SLC6A11: variants seen among roughly 807,000 people sequenced by gnomAD.
The protein encoded by SLC6A11 is sodium- and chloride-dependent GABA transporter 3.
SLC6A11 carries 25 observed loss-of-function variants against 74.8 expected under a neutral mutation model. The ratio of observed to expected loss-of-function variants is 0.33; its 90% CI spans 0.24 to 0.47. SLC6A11 has a LOEUF of 0.47. SLC6A11 is among the 20% of genes least tolerant of loss of function. The pLI is 1.00. For missense variants in SLC6A11, 574 were observed against 837.0 expected, an observed-to-expected ratio of 0.69 and a Z score of 3.88; for synonymous variants, 330 against 330.2, an observed-to-expected ratio of 1.00 and a Z score of 0.01.
At chr3:10,903,388 C>T (rs559725851) in intron 6 of SLC6A11, among the ~76,000 whole-genome samples, 2 of 152,342 alleles carry the variant, frequency 1.3e-5, no homozygotes, top group Non-Finnish European at 2.9e-5. Flanking sequence ...CCTACTGCCA[C>T]TGAACTCACT....
chr3:10,866,759 CA>C (rs1283930930), intron 5 of SLC6A11, among the ~76,000 whole-genome samples: 1 of 152,214 alleles, frequency 6.6e-6, no homozygotes, highest in East Asian at 1.9e-4. Flanking sequence ...TTGCTTAAAA[CA>C]GAAAGTTTTC....
chr3:10,840,905 A>G (rs754827510), intron 4 of SLC6A11, among the ~76,000 whole-genome samples: 2 of 152,148 alleles, frequency 1.3e-5, no homozygotes, highest in Non-Finnish European at 2.9e-5. Context: ...TTGAAAAGCC[A>G]TTGAAGGTAG....
At chr3:10,897,477 C>T (rs1016562483) in intron 6 of SLC6A11, among the ~76,000 whole-genome samples, 3 of 152,262 alleles carry the variant, frequency 2.0e-5, no homozygotes, top group South Asian at 2.1e-4. Context: ...TGAAAGGAAT[C>T]GGCCAAAACA....
At chr3:10,841,464 AG>A (rs1487631137) in intron 4 of SLC6A11, among the ~76,000 whole-genome samples, 1 of 152,174 alleles carries the variant, frequency 6.6e-6, no homozygotes, top group Non-Finnish European at 1.5e-5. Flanking sequence ...TGGAAACCAA[AG>A]GTCTGTTCCT....
At chr3:10,866,924 G>A (rs1694769653) in intron 5 of SLC6A11, among the ~76,000 whole-genome samples, 1 of 152,138 alleles carries the variant, frequency 6.6e-6, no homozygotes, top group Non-Finnish European at 1.5e-5. Flanking sequence ...TATCTTTGTG[G>A]GAGTTATGCC....
chr3:10,877,044 G>T (rs1694917263), intron 6 of SLC6A11, among the ~76,000 whole-genome samples: 1 of 152,180 alleles, frequency 6.6e-6, no homozygotes, highest in Non-Finnish European at 1.5e-5. Flanking sequence ...GATTTGGAGA[G>T]CCCCCACTTT....
intron 6 of SLC6A11, among the ~76,000 whole-genome samples, chr3:10,883,874 G>C (rs1184517881): frequency 2.0e-5 from 3 of 152,128 alleles, no homozygotes; most frequent in African/African-American, 7.2e-5. Context: ...CACTACTTGA[G>C]ACTGAAAATC....
At chr3:10,882,033 G>A (rs1694987445) in intron 6 of SLC6A11, among the ~76,000 whole-genome samples, 1 of 152,162 alleles carries the variant, frequency 6.6e-6, no homozygotes, top group African/African-American at 2.4e-5. Flanking sequence ...CTCCACATGT[G>A]GGCAGCAGGG....
At position 10,879,635 on chromosome 3, in the gene SLC6A11, A is replaced by T. The variant is rs892782506; in HGVS notation, c.891+4540A>T. Among the ~76,000 whole-genome samples the T allele has an allele frequency of 6.6e-5, 10 of 152,360 alleles. No homozygotes were observed. The East Asian group carries it at 1.5e-3, about 23-fold the overall frequency. On this transcript the variant is annotated intron_variant, in intron 6 of 13. Coordinates refer to ENST00000254488, the MANE Select transcript of SLC6A11 (RefSeq NM_014229.3). ...CATGGAGGAATATTTTTTCTTTTGAATTATGTATGTATGTTTATAGGCATT... is the reference window on the plus strand; with the variant it reads ...CATGGAGGAATATTTTTTCTTTTGATTTATGTATGTATGTTTATAGGCATT...
intron 5 of SLC6A11, among the ~76,000 whole-genome samples, chr3:10,853,039 C>G (rs1024219956): frequency 1.3e-5 from 2 of 152,204 alleles, no homozygotes; most frequent in African/African-American, 4.8e-5. Context: ...CTTCACCTCT[C>G]TGGGCCGTAG....
At chr3:10,865,158 G>T (rs957298260) in intron 5 of SLC6A11, among the ~76,000 whole-genome samples, 1 of 152,238 alleles carries the variant, frequency 6.6e-6, no homozygotes, top group African/African-American at 2.4e-5. Context: ...TAATTATTGA[G>T]CTGTCTTCAT....
chr3:10,829,987 C>G (rs1317906429), intron 4 of SLC6A11, among the ~76,000 whole-genome samples: 1 of 151,666 alleles, frequency 6.6e-6, no homozygotes, highest in African/African-American at 2.4e-5. Context: ...TATAAGTAGC[C>G]AGAAAGATGA....
chr3:10,832,524 G>A (rs1360972731), intron 4 of SLC6A11, among the ~76,000 whole-genome samples: 10 of 152,196 alleles, frequency 6.6e-5, no homozygotes, highest in Admixed American at 6.5e-4. Flanking sequence ...TAAAAATGGT[G>A]ATTATTGTTG....
chr3:10,863,749 G>A (rs1694731268), intron 5 of SLC6A11, among the ~76,000 whole-genome samples: 2 of 152,160 alleles, frequency 1.3e-5, no homozygotes, highest in Non-Finnish European at 2.9e-5. Flanking sequence ...TCAGGTGAAG[G>A]GTGACATGAA....
intron 6 of SLC6A11, among the ~76,000 whole-genome samples, chr3:10,883,599 C>T (rs1385824430): frequency 6.6e-6 from 1 of 152,120 alleles, no homozygotes; most frequent in Admixed American, 6.5e-5. Context: ...ACCAAATCTT[C>T]CCTGCCTCCC....
chr3:10,865,322 C>G (rs1694750677), intron 5 of SLC6A11, among the ~76,000 whole-genome samples: 1 of 152,196 alleles, frequency 6.6e-6, no homozygotes, highest in African/African-American at 2.4e-5. Flanking sequence ...GGGGCCCATG[C>G]CAAATTTGGC....
intron 5 of SLC6A11, among the ~76,000 whole-genome samples, chr3:10,874,317 C>G (rs7617470): frequency 0.028 from 4,318 of 152,258 alleles, 212 homozygotes; most frequent in African/African-American, 0.099. Flanking sequence ...AAAAATTCAA[C>G]AAGCACCACT....
chr3:10,855,662 G>A (rs923129505), intron 5 of SLC6A11, among the ~76,000 whole-genome samples: 53 of 151,658 alleles, frequency 3.5e-4, no homozygotes, highest in Non-Finnish European at 6.3e-4. Context: ...CTCTAAACAA[G>A]ATTACAGGCT....
intron 6 of SLC6A11, among the ~76,000 whole-genome samples, chr3:10,908,179 A>C (rs528339027): frequency 6.6e-6 from 1 of 152,354 alleles, no homozygotes; most frequent in South Asian, 2.1e-4. Flanking sequence ...ATGTTCTGAT[A>C]ATCTATACAG....
Sources: gnomAD v4.1 joint callset for allele counts (sites outside exome capture counted in the v4.1 genomes callset) on GRCh38, gnomAD v4.1.1 for gene constraint, MANE v1.5 for transcripts, NCBI Gene and HGNC (gene_info 2026-07-23, HGNC 2026-07-21) for gene names.